Variants in SIRT1 observed in about 807,000 individuals in gnomAD.
SIRT1 encodes the protein sirtuin 1.
SIRT1 carries 24 observed loss-of-function variants against 67.9 expected under a neutral mutation model. The observed-to-expected ratio is 0.35, with a 90% confidence interval of 0.26 to 0.50. The LOEUF (loss-of-function observed/expected upper bound fraction) is 0.50, where lower values mean the gene tolerates loss of function less well. SIRT1 is among the 20% of genes least tolerant of loss of function. SIRT1 has a pLI of 0.98. For synonymous variants in SIRT1, 378 were observed against 350.7 expected, an observed-to-expected ratio of 1.08 and a Z score of -0.87; for missense variants, 873 against 937.2, an observed-to-expected ratio of 0.93 and a Z score of 0.89.
rs1185258172 is a variant in SIRT1 at position 67,888,075 on chromosome 10, C to T, written c.547+542C>T. 5.3e-5 allele frequency among the ~76,000 whole-genome samples: 8 copies of T among 152,196 alleles called. No individual in the cohort carries two copies. The South Asian group carries it at 6.2e-4, about 12-fold the overall frequency. On this transcript the variant is annotated intron_variant, in intron 2 of 8. Transcript: ENST00000212015. ...GGAATTTTTGACTGACTTGTATACT[C>T]CTGTCTTTTCAGTGCCTAAAAAAGT...
Position 67,887,449 on chromosome 10 carries a change from A to G in SIRT1, c.463A>G (p.Asn155Asp), listed in dbSNP as rs1441322674. 1 of 1,613,558 alleles carries G rather than the reference A, an allele frequency of 6.2e-7. No individual in the cohort carries two copies. Among genetic ancestry groups the G allele is most frequent in the East Asian group, 2.2e-5 (1 of 44,882 alleles). The change falls in exon 2 of 9, where the codon AAT (asparagine) becomes GAT (aspartate). Residue 155 changes from asparagine to aspartate, a missense_variant. Physicochemically the swap from Asn to Asp is conservative, Grantham distance 23. Transcript: ENST00000212015. ...TCTGTTCGGTGATGAAATTATCACT[A>G]ATGGTTTTCATTCCTGTGAAAGTGA... ...NLLFGDEIITNGFHSCESDEE... is the reference protein window; with the variant it reads ...NLLFGDEIITDGFHSCESDEE...
chr10:67,904,598 C>G (rs1420723850), intron 4 of SIRT1, among the ~76,000 whole-genome samples: 1 of 152,092 alleles, frequency 6.6e-6, no homozygotes, highest in African/African-American at 2.4e-5. Context: ...GTAATCCCAG[C>G]ACTTTGTGAG....
Position 67,917,422 on chromosome 10 carries a change from ATTG to A in SIRT1, c.*835_*837del, listed in dbSNP as rs1464077353. 6.6e-6 allele frequency: 1 copy of A among 152,620 alleles called. No homozygotes were observed. Among genetic ancestry groups the A allele is most frequent in the Non-Finnish European group, 1.5e-5 (1 of 68,016 alleles). 9.5% of individuals were successfully genotyped at this position (152,620 alleles called of 1,614,324 possible). ...TCCCCTTAGTTTTGAAATATTTGCC[ATTG>A]TTGTTTAAATACCTATCACTGTGGT... is the stretch of plus-strand genomic sequence containing the variant. On this transcript the variant is annotated 3_prime_UTR_variant, in exon 9 of 9. Transcript: ENST00000212015.
intron 5 of SIRT1, 56 bp downstream of exon 5, chr10:67,906,993 T>C (rs1842829389): frequency 4.2e-6 from 6 of 1,439,932 alleles, no homozygotes; most frequent in Non-Finnish European, 4.6e-6. Flanking sequence ...TAGGAAGATA[T>C]TTCCTATAAA....
At chr10:67,894,108 A>G (rs574141841) in intron 4 of SIRT1, among the ~76,000 whole-genome samples, 178 of 152,260 alleles carry the variant, frequency 1.2e-3, no homozygotes, top group African/African-American at 4.0e-3. Context: ...GACCCTAATC[A>G]CTACACCCCT....
chr10:67,885,205 G>T, intron 1 of SIRT1, 54 bp downstream of exon 1: 1 of 1,291,148 alleles, frequency 7.7e-7, no homozygotes. Flanking sequence ...CTCTCCCCGG[G>T]CTCCTACTGG....
At chr10:67,916,188 C>T (rs985159183) in intron 8 of SIRT1, 77 bp from the exon 9 acceptor site, 4 of 1,274,758 alleles carry the variant, frequency 3.1e-6, no homozygotes, top group Non-Finnish European at 2.2e-6. Context: ...GAGCTGGAAC[C>T]CACACTTCAT....
At position 67,884,982 on chromosome 10, in the gene SIRT1, C is replaced by T. The variant is rs1190379376; in HGVS notation, c.261C>T (p.Gly87=). 2.4e-6 allele frequency: 3 copies of T among 1,268,340 alleles called. No individual in the cohort carries two copies. Among genetic ancestry groups the T allele is most frequent in the Non-Finnish European group, 3.0e-6 (3 of 1,004,738 alleles). The allele number at this position is 1,268,340 out of a possible 1,614,324, so 78.6% of individuals were successfully genotyped here. Residue 87 remains glycine (G), a synonymous_variant, in exon 1 of 9, where the codon GGC becomes GGT. Coordinates refer to ENST00000212015, the MANE Select transcript of SIRT1 (RefSeq NM_012238.5). The stretch of plus-strand genomic sequence containing the variant: ...CGGAGGCAGAGGCGGCGGCGGCAGG[C>T]GGGGAGCAAGAGGCCCAGGCGACTG... The part of the protein sequence containing the change: ...REAEAEAAAA[G]GEQEAQATAA...
chr10:67,892,115 G>A (rs1006760665), intron 4 of SIRT1, among the ~76,000 whole-genome samples: 1 of 152,144 alleles, frequency 6.6e-6, no homozygotes, highest in African/African-American at 2.4e-5. Flanking sequence ...TGTGCAATAA[G>A]TGTAGAAGAC....
Position 67,895,737 on chromosome 10 carries a change from TTTTTTTTTTTG to T in SIRT1, c.942+4194_942+4204del, listed in dbSNP as rs1448895739. Among the ~76,000 whole-genome samples the T allele has an allele frequency of 4.7e-4, 40 of 84,494 alleles. 1 individual carries two copies. The highest frequency in any genetic ancestry group is 3.7e-3 in the East Asian group (15 of 4,032). The allele number at this position is 84,494 out of a possible 152,430, so 55.4% of individuals were successfully genotyped here. A position where few individuals can be genotyped will look rare whatever the true frequency, so the allele number is the denominator to read the frequency against. ...GTGATTATTGAGAATTAACTTGTTT[TTTTTTTTTTTG>T]TTTTTTTTTTTTGAGACAGTTTTGC... On this transcript the variant is annotated intron_variant, in intron 4 of 8. Transcript: ENST00000212015.
Position 67,916,467 on chromosome 10 carries a change from T to G in SIRT1, c.2118T>G (p.Pro706=). 1 of 1,614,100 alleles carries G rather than the reference T, an allele frequency of 6.2e-7. No homozygotes were observed. Among genetic ancestry groups the G allele is most frequent in the Admixed American group, 1.7e-5 (1 of 60,016 alleles). Residue 706 remains proline, a synonymous_variant, in exon 9 of 9, where the codon CCT becomes CCG. Transcript: ENST00000212015. ...EEFYNGLEDE[P]DVPERAGGAG... ...TCTACAATGGCTTAGAAGATGAGCC[T>G]GATGTTCCAGAGAGAGCTGGAGGAG...
chr10:67,893,804 A>G (rs1842611294), intron 4 of SIRT1, among the ~76,000 whole-genome samples: 3 of 152,054 alleles, frequency 2.0e-5, no homozygotes, highest in African/African-American at 4.8e-5. Flanking sequence ...CAGCCTCCCA[A>G]AGTGCTGGGA....
intron 4 of SIRT1, among the ~76,000 whole-genome samples, chr10:67,900,844 G>A (rs1351760240): frequency 6.6e-6 from 1 of 152,110 alleles, no homozygotes; most frequent in African/African-American, 2.4e-5. Context: ...CCATTTGGGT[G>A]CTTTTTCACA....
intron 5 of SIRT1, 72 bp downstream of exon 5, chr10:67,907,009 C>T (rs1477626332): frequency 3.1e-6 from 4 of 1,300,686 alleles, no homozygotes; most frequent in East Asian, 2.8e-5. Flanking sequence ...ATAAAGCTGA[C>T]TGCCATCGAG....
chr10:67,899,379 G>T (rs1008872562), intron 4 of SIRT1, among the ~76,000 whole-genome samples: 4 of 151,212 alleles, frequency 2.6e-5, no homozygotes, highest in Admixed American at 2.0e-4. Context: ...ACCCAGACGT[G>T]TGCAGTATCT....
intron 4 of SIRT1, among the ~76,000 whole-genome samples, chr10:67,904,583 C>T (rs1245522187): frequency 2.6e-5 from 4 of 152,136 alleles, no homozygotes; most frequent in African/African-American, 9.7e-5. Flanking sequence ...CAGTGGCTCA[C>T]GCCTGTAATC....
intron 4 of SIRT1, among the ~76,000 whole-genome samples, chr10:67,893,044 T>C (rs958202669): frequency 6.6e-6 from 1 of 152,256 alleles, no homozygotes; most frequent in Admixed American, 6.5e-5. Flanking sequence ...ATTAGAAAAC[T>C]GTTTTCTTTC....
At chr10:67,910,807 G>A (rs1379788442) in intron 7 of SIRT1, among the ~76,000 whole-genome samples, 3 of 152,162 alleles carry the variant, frequency 2.0e-5, no homozygotes, top group Admixed American at 6.5e-5. Context: ...TTCTCATACT[G>A]TCTGTTTCCT....
Position 67,912,454 on chromosome 10 carries a change from T to TA in SIRT1, c.1358-19dup. The TA allele has an allele frequency of 1.3e-6, 2 of 1,565,472 alleles. No homozygotes were observed. Among genetic ancestry groups the TA allele is most frequent in the South Asian group, 1.2e-5 (1 of 83,004 alleles). On this transcript the variant is annotated intron_variant, in intron 7 of 8. Coordinates refer to ENST00000212015, the MANE Select transcript of SIRT1 (RefSeq NM_012238.5). ...CTTCCTCCTCCCTTTTTCTAACTCTTATTTTTCACCCTATTTTAGGTTCCA... is the reference window on the plus strand; with the variant it reads ...CTTCCTCCTCCCTTTTTCTAACTCTTAATTTTTCACCCTATTTTAGGTTCCA...
Sources: gnomAD v4.1 joint callset for allele counts (sites outside exome capture counted in the v4.1 genomes callset) on GRCh38, gnomAD v4.1.1 for gene constraint, MANE v1.5 for transcripts, NCBI Gene and HGNC (gene_info 2026-07-23, HGNC 2026-07-21) for gene names.